SLC4A4: variants seen among roughly 807,000 people sequenced by gnomAD.
SLC4A4 encodes electrogenic sodium bicarbonate cotransporter 1.
In SLC4A4, 27 loss-of-function variants were observed where a neutral mutation model predicts 111.5. That is an observed-to-expected ratio of 0.24 (90% confidence interval 0.18 to 0.33). SLC4A4 has a LOEUF of 0.33. SLC4A4 is among the 10% of genes least tolerant of loss of function. SLC4A4 has a pLI of 1.00. For missense variants in SLC4A4, 909 were observed against 1,315.5 expected (o/e 0.69, Z 4.78); for synonymous variants, 443 against 463.4 (o/e 0.96, Z 0.57).
chr4:71,475,194 CCAGATGTGGGCT>C (rs1728250867), intron 14 of SLC4A4, among the ~76,000 whole-genome samples: 1 of 151,658 alleles, frequency 6.6e-6, no homozygotes. Flanking sequence ...ATTCATGAAG[CCAGATGTGGGCT>C]TTGTCAACAC....
intron 3 of SLC4A4, among the ~76,000 whole-genome samples, chr4:71,296,951 A>C (rs1720738523): frequency 6.6e-6 from 1 of 152,186 alleles, no homozygotes; most frequent in Non-Finnish European, 1.5e-5. Flanking sequence ...AAAATCCTCT[A>C]ATCTTCTATT....
chr4:71,106,991 TA>T (rs143287225), intron 2 of SLC4A4, among the ~76,000 whole-genome samples: 2,726 of 148,624 alleles, frequency 0.018, 78 homozygotes, highest in African/African-American at 0.06. Flanking sequence ...ACAGAGAAAT[TA>T]AAAAAAAAAT....
chr4:71,519,956 A>G (rs549132162), intron 16 of SLC4A4, among the ~76,000 whole-genome samples: 1 of 152,252 alleles, frequency 6.6e-6, no homozygotes, highest in East Asian at 1.9e-4. Flanking sequence ...GGCCAAGAAT[A>G]TCATTTTTAT....
At chr4:71,360,543 G>A (rs1305782166) in intron 6 of SLC4A4, among the ~76,000 whole-genome samples, 1 of 152,116 alleles carries the variant, frequency 6.6e-6, no homozygotes. Flanking sequence ...AATGGATGAA[G>A]TCTGACATAT....
chr4:71,105,920 A>T (rs201505823), intron 2 of SLC4A4, among the ~76,000 whole-genome samples: 2,319 of 98,034 alleles, frequency 0.024, no homozygotes, highest in Admixed American at 0.027. Context: ...AAATAGACAA[A>T]TGGGATCTAA....
chr4:71,486,088 G>C (rs1729373585), intron 14 of SLC4A4, among the ~76,000 whole-genome samples: 1 of 151,340 alleles, frequency 6.6e-6, no homozygotes, highest in African/African-American at 2.4e-5. Flanking sequence ...AATAAACTAT[G>C]GGACCCTAAA....
At position 71,568,445 on chromosome 4, in the gene SLC4A4, C is replaced by G. The variant is rs1737688885; in HGVS notation, c.*694C>G. The G allele has an allele frequency of 6.6e-6, 1 of 152,168 alleles. No homozygotes were observed. The allele number at this position is 152,168 out of a possible 1,614,324, so 9.4% of individuals were successfully genotyped here. A position where few individuals can be genotyped will look rare whatever the true frequency, so the allele number is the denominator to read the frequency against. On this transcript the variant is annotated 3_prime_UTR_variant, in exon 26 of 26. Coordinates refer to ENST00000264485, the MANE Select transcript of SLC4A4 (RefSeq NM_001098484.3). ...AAGAAAAAACTGAAGGTACTTTACTCCCTATAGAGAAACCATTGCCATCAT... is the reference window on the plus strand; with the variant it reads ...AAGAAAAAACTGAAGGTACTTTACTGCCTATAGAGAAACCATTGCCATCAT...
At position 71,452,099 on chromosome 4, in the gene SLC4A4, GTT is replaced by G. The variant is rs11286138; in HGVS notation, c.1322+806_1322+807del. Reference sequence around the variant, plus strand: ...TATGGCTTTTTAAAAACACTGCAGGGTTTTTTTTTAACATGAAAAGGTATGTC... The same window carrying G: ...TATGGCTTTTTAAAAACACTGCAGGGTTTTTTTAACATGAAAAGGTATGTC... On this transcript the variant is annotated intron_variant, in intron 11 of 25. Transcript: ENST00000264485. Among the ~76,000 whole-genome samples the G allele has an allele frequency of 4.6e-5, 7 of 151,986 alleles. No individual in the cohort carries two copies. In the South Asian group the frequency reaches 1.5e-3, roughly 32 times the overall value.
At chr4:71,311,785 G>A (rs544427462) in intron 3 of SLC4A4, among the ~76,000 whole-genome samples, 4 of 151,886 alleles carry the variant, frequency 2.6e-5, no homozygotes, top group South Asian at 2.1e-4. Context: ...CTAGAGAAGC[G>A]AGAGCAAACA....
intron 7 of SLC4A4, among the ~76,000 whole-genome samples, chr4:71,433,216 C>T (rs1333084538): frequency 6.6e-6 from 1 of 151,486 alleles, no homozygotes; most frequent in African/African-American, 2.4e-5. Flanking sequence ...AAAATAAGTC[C>T]TCAGAAACCT....
At chr4:71,219,549 G>C (rs1253228384) in intron 1 of SLC4A4, among the ~76,000 whole-genome samples, 2 of 152,202 alleles carry the variant, frequency 1.3e-5, no homozygotes, top group Non-Finnish European at 2.9e-5. Flanking sequence ...GCAGCTCATG[G>C]ATCAAGGAGT....
At chr4:71,462,878 A>G (rs1413374805) in intron 12 of SLC4A4, among the ~76,000 whole-genome samples, 2 of 152,192 alleles carry the variant, frequency 1.3e-5, no homozygotes, top group African/African-American at 2.4e-5. Flanking sequence ...TCATTGATCC[A>G]GGAAATAATA....
chr4:71,177,660 A>G (rs1745140885), intron 2 of SLC4A4, among the ~76,000 whole-genome samples: 1 of 152,220 alleles, frequency 6.6e-6, no homozygotes, highest in South Asian at 2.1e-4. Context: ...CCAATACAGG[A>G]GCACCCAGAT....
chr4:71,193,032 A>T (rs1488548079), intron 1 of SLC4A4, among the ~76,000 whole-genome samples: 2 of 152,178 alleles, frequency 1.3e-5, no homozygotes, highest in African/African-American at 2.4e-5. Context: ...GTTTATTCTC[A>T]TTGCTACATA....
intron 3 of SLC4A4, among the ~76,000 whole-genome samples, chr4:71,276,426 T>C (rs1170636634): frequency 6.6e-6 from 1 of 152,222 alleles, no homozygotes; most frequent in Admixed American, 6.5e-5. Flanking sequence ...GAGATCTTCG[T>C]TGGGCTATCT....
At chr4:71,481,389 C>G (rs1728869993) in intron 14 of SLC4A4, among the ~76,000 whole-genome samples, 1 of 151,636 alleles carries the variant, frequency 6.6e-6, no homozygotes, top group Non-Finnish European at 1.5e-5. Flanking sequence ...GGGGTAGTTC[C>G]TGGGGCCAGG....
chr4:71,313,634 T>C (rs1345407027), intron 3 of SLC4A4, among the ~76,000 whole-genome samples: 1 of 152,216 alleles, frequency 6.6e-6, no homozygotes, highest in East Asian at 1.9e-4. Context: ...TACAGCCATC[T>C]GATCTTTGAG....
chr4:71,484,836 A>G (rs937078998), intron 14 of SLC4A4, among the ~76,000 whole-genome samples: 2 of 151,622 alleles, frequency 1.3e-5, no homozygotes, highest in South Asian at 2.1e-4. Context: ...TTTCTTTAGC[A>G]GTGGTTTGTG....
intron 7 of SLC4A4, among the ~76,000 whole-genome samples, chr4:71,401,675 A>G (rs1211638735): frequency 6.6e-6 from 1 of 152,216 alleles, no homozygotes. Flanking sequence ...AGCTATGAGG[A>G]TAAGAAAGAG....
Sources: allele counts gnomAD v4.1 joint callset (sites outside exome capture counted in the v4.1 genomes callset), GRCh38; gene constraint gnomAD v4.1.1; transcripts MANE v1.5; gene names NCBI Gene and HGNC (gene_info 2026-07-23, HGNC 2026-07-21).